Variants in PEAK1 observed in about 807,000 individuals in gnomAD.
PEAK1 encodes pseudopodium enriched atypical kinase 1.
PEAK1 carries 54 observed loss-of-function variants against 124.7 expected under a neutral mutation model. The observed-to-expected ratio is 0.43, with a 90% CI of 0.35 to 0.54. The LOEUF is 0.54. Among genes scored for constraint, PEAK1 ranks in the 20% least tolerant of loss-of-function variants. The probability of loss-of-function intolerance (pLI) is 0.01; values close to 1 mark genes in which losing one functional copy is unlikely to be tolerated. For synonymous variants in PEAK1, 719 were observed against 760.0 expected (o/e 0.95, Z 0.89); for missense variants, 2,046 against 2,134.5 (o/e 0.96, Z 0.82).
intron 6 of PEAK1, among the ~76,000 whole-genome samples, chr15:77,182,749 C>CAATAAAAAAAAAAAAAAAAAAAAA (rs71447145): frequency 4.6e-5 from 3 of 65,144 alleles, no homozygotes; most frequent in African/African-American, 1.9e-4. Flanking sequence ...GACCTTGTCT[C>CAATAAAAAAAAAAAAAAAAAAAAA]AAAAAAAAAA....
At position 77,180,025 on chromosome 15, in the gene PEAK1, T is replaced by C. The variant is rs2057147724; in HGVS notation, c.1902A>G (p.Ala634=). The change falls in exon 7 of 10, where the codon GCA becomes GCG. Residue 634 remains alanine, a synonymous_variant. Coordinates refer to ENST00000682557, the MANE Select transcript of PEAK1 (RefSeq NM_001385026.1). ...TTTTGTAGATAGCTAGATTGTCATATGCATTTGGATTGATAACAATGGGAA... is the reference window on the plus strand; with the variant it reads ...TTTTGTAGATAGCTAGATTGTCATACGCATTTGGATTGATAACAATGGGAA... ...IKVPIVINPN[A]YDNLAIYKSF... is the part of the protein sequence containing the mutation. The C allele has an allele frequency of 6.2e-7, 1 of 1,613,996 alleles. No homozygotes were observed. The highest frequency in any genetic ancestry group is 1.3e-5 in the African/African-American group (1 of 74,938).
At chr15:77,411,521 T>C (rs1472871808) in intron 1 of PEAK1, among the ~76,000 whole-genome samples, 4 of 152,234 alleles carry the variant, frequency 2.6e-5, no homozygotes, top group Admixed American at 1.3e-4. Context: ...GACGCACACA[T>C]GCTTACATCG....
chr15:77,246,979 G>A (rs2060618366), intron 6 of PEAK1, among the ~76,000 whole-genome samples: 1 of 151,746 alleles, frequency 6.6e-6, no homozygotes, highest in Admixed American at 6.6e-5. Context: ...GATCGTGCCA[G>A]TGAACTCCAG....
intron 8 of PEAK1, among the ~76,000 whole-genome samples, chr15:77,151,338 T>C (rs1314914320): frequency 6.6e-6 from 1 of 152,206 alleles, no homozygotes; most frequent in East Asian, 1.9e-4. Flanking sequence ...TTCATATCCT[T>C]TGCCCACTTT....
intron 1 of PEAK1, among the ~76,000 whole-genome samples, chr15:77,397,235 A>T (rs2070963817): frequency 6.6e-6 from 1 of 152,220 alleles, no homozygotes; most frequent in South Asian, 2.1e-4. Context: ...GAAATCAAGA[A>T]AAAATTTAAA....
At chr15:77,226,990 T>C (rs535931963) in intron 6 of PEAK1, among the ~76,000 whole-genome samples, 1 of 152,296 alleles carries the variant, frequency 6.6e-6, no homozygotes, top group South Asian at 2.1e-4. Context: ...TTTTACTATA[T>C]GGCAGTTGTC....
intron 2 of PEAK1, among the ~76,000 whole-genome samples, chr15:77,331,771 C>T (rs886654997): frequency 6.6e-6 from 1 of 151,976 alleles, no homozygotes; most frequent in African/African-American, 2.4e-5. Context: ...GCTCGTGCCA[C>T]CGCGCCCAGC....
chr15:77,275,647 C>T (rs35900967), intron 5 of PEAK1, among the ~76,000 whole-genome samples: 11,705 of 151,372 alleles, frequency 0.077, 572 homozygotes, highest in Non-Finnish European at 0.1. Context: ...ACCCGGGAGA[C>T]GGAGGTTGCA....
intron 5 of PEAK1, among the ~76,000 whole-genome samples, chr15:77,262,313 G>A (rs1270300604): frequency 6.6e-6 from 1 of 152,046 alleles, no homozygotes; most frequent in Admixed American, 6.6e-5. Flanking sequence ...ACACAGACTG[G>A]CAAATTGGAT....
chr15:77,154,996 C>T lies in PEAK1; in HGVS notation c.3331+3507G>A, dbSNP rs567917020. On this transcript the variant is annotated intron_variant, in intron 8 of 9. Transcript: ENST00000682557. ...TGCTCTTCTCGAGGAGTATCTGTGG[C>T]GTTCTCTGTATTTCCCGAATCTGAA... 4.7e-3 allele frequency among the ~76,000 whole-genome samples: 714 copies of T among 152,076 alleles called. 4 individuals are homozygous for T. Among genetic ancestry groups the T allele is most frequent in the Non-Finnish European group, 6.9e-3 (466 of 67,970 alleles).
chr15:77,130,818 C>T (rs975800932), intron 9 of PEAK1, among the ~76,000 whole-genome samples: 1 of 152,144 alleles, frequency 6.6e-6, no homozygotes, highest in African/African-American at 2.4e-5. Context: ...AATTGAGGCT[C>T]AAAGATTGTT....
In PEAK1 at chr15:77,360,977, G is replaced by C. The variant is rs147552236; in HGVS notation, c.-603+4186C>G. ...ACACTGGTCTGGGAAAAGATTTTATGATAAGACCTGAAAAGCGCAGGCAAC... is the reference window on the plus strand; with the variant it reads ...ACACTGGTCTGGGAAAAGATTTTATCATAAGACCTGAAAAGCGCAGGCAAC... On this transcript the variant is annotated intron_variant, in intron 2 of 9. Coordinates refer to ENST00000682557, the MANE Select transcript of PEAK1 (RefSeq NM_001385026.1). Among the ~76,000 whole-genome samples, 1,339 of 152,114 alleles carry C rather than the reference G, an allele frequency of 8.8e-3. 7 individuals carry two copies. The highest frequency in any genetic ancestry group is 0.015 in the Non-Finnish European group (986 of 67,982).
chr15:77,188,433 T>C (rs773505037), intron 6 of PEAK1, among the ~76,000 whole-genome samples: 43 of 152,336 alleles, frequency 2.8e-4, no homozygotes, highest in Non-Finnish European at 5.1e-4. Flanking sequence ...AGTTAACTAC[T>C]ACTAATAATA....
chr15:77,316,010 A>G (rs1477969125), intron 2 of PEAK1, among the ~76,000 whole-genome samples: 1 of 152,110 alleles, frequency 6.6e-6, no homozygotes, highest in Non-Finnish European at 1.5e-5. Flanking sequence ...AATAAATATG[A>G]TAGGGTACGT....
At chr15:77,197,933 TA>T (rs898102374) in intron 6 of PEAK1, among the ~76,000 whole-genome samples, 3 of 151,832 alleles carry the variant, frequency 2.0e-5, no homozygotes, top group Non-Finnish European at 2.9e-5. Flanking sequence ...CTAGAAATAT[TA>T]AAAAAATTAT....
intron 5 of PEAK1, among the ~76,000 whole-genome samples, chr15:77,263,317 C>G (rs900731317): frequency 1.3e-5 from 2 of 152,040 alleles, no homozygotes; most frequent in East Asian, 1.9e-4. Context: ...AATCCAGGAG[C>G]TGGTTTTTTG....
At chr15:77,186,541 C>T (rs2057558382) in intron 6 of PEAK1, among the ~76,000 whole-genome samples, 1 of 152,154 alleles carries the variant, frequency 6.6e-6, no homozygotes, top group Non-Finnish European at 1.5e-5. Context: ...CATCTGTATT[C>T]ATCTGGTTTA....
chr15:77,405,846 A>G lies in PEAK1; in HGVS notation c.-666+14160T>C, dbSNP rs186924995. Among the ~76,000 whole-genome samples, 114 of 152,248 alleles carry G rather than the reference A, an allele frequency of 7.5e-4. 4 individuals are homozygous for G. In the East Asian group the frequency reaches 0.017, roughly 23 times the overall value. On this transcript the variant is annotated intron_variant, in intron 1 of 9. Transcript: ENST00000682557. ...GTGAATAAGATCTAAGTCAATAATT[A>G]AGGAATTCAGAGGTCTAACTCCCTA... is the stretch of plus-strand genomic sequence containing the variant.
intron 2 of PEAK1, among the ~76,000 whole-genome samples, chr15:77,355,039 A>G (rs2067430860): frequency 1.3e-5 from 2 of 151,396 alleles, no homozygotes; most frequent in Admixed American, 1.3e-4. Flanking sequence ...ACTCCATCTC[A>G]ATAAAAAAAA....
Sources: gnomAD v4.1 joint callset for allele counts (sites outside exome capture counted in the v4.1 genomes callset) on GRCh38, gnomAD v4.1.1 for gene constraint, MANE v1.5 for transcripts, NCBI Gene and HGNC (gene_info 2026-07-23, HGNC 2026-07-21) for gene names.